The following GPR149 variants were observed in gnomAD, a reference collection of about 807,000 sequenced individuals.
The protein encoded by GPR149 is probable G protein-coupled receptor 149.
In GPR149, 50 loss-of-function variants were observed where a neutral mutation model predicts 50.2. The ratio of observed to expected loss-of-function variants is 1.00; its 90% CI spans 0.79 to 1.26. The LOEUF (loss-of-function observed/expected upper bound fraction) is 1.26. Ranked by LOEUF, GPR149 falls within the 50% of genes most tolerant of loss-of-function variation. The pLI is 0.00. For synonymous variants in GPR149, 405 were observed against 358.2 expected (o/e 1.13, Z -1.48); for missense variants, 983 against 895.4 (o/e 1.10, Z -1.25).
chr3:154,375,979 T>C (rs1403639594), intron 3 of GPR149, among the ~76,000 whole-genome samples: 1 of 152,206 alleles, frequency 6.6e-6, no homozygotes, highest in Non-Finnish European at 1.5e-5. Flanking sequence ...CACCATCAGC[T>C]CCCCTGGTTC....
Position 154,428,926 on chromosome 3 carries a change from C to T in GPR149, c.690G>A (p.Gln230=), listed in dbSNP as rs746258504. The T allele has an allele frequency of 1.2e-6, 2 of 1,613,986 alleles. No homozygotes were observed. The highest frequency in any genetic ancestry group is 1.7e-5 in the Admixed American group (1 of 60,002). The change falls in exon 1 of 4, where the codon CAG becomes CAA. Residue 230 remains glutamine, a synonymous_variant. Transcript: ENST00000389740. ...GAATTGAAGCTCCACGGGAAATTTC[C>T]TGGTAGTTGGAGTGGAGTCTCGGCG... is the stretch of plus-strand genomic sequence containing the variant. The part of the protein sequence containing the change: ...EEPPRLHSNY[Q]EISRGASIPG...
chr3:154,399,477 G>A (rs1715370504), intron 3 of GPR149, among the ~76,000 whole-genome samples: 1 of 152,144 alleles, frequency 6.6e-6, no homozygotes, highest in Non-Finnish European at 1.5e-5. Flanking sequence ...ATCACTTGGT[G>A]TAGTAAATAT....
intron 3 of GPR149, among the ~76,000 whole-genome samples, chr3:154,341,755 G>T (rs980964216): frequency 6.6e-6 from 1 of 151,984 alleles, no homozygotes; most frequent in Non-Finnish European, 1.5e-5. Context: ...GTAAATGCTT[G>T]CAGATAACCA....
intron 3 of GPR149, among the ~76,000 whole-genome samples, chr3:154,408,909 G>A (rs530916332): frequency 3.9e-5 from 6 of 152,346 alleles, no homozygotes; most frequent in Admixed American, 1.3e-4. Flanking sequence ...CTTCCTGGCC[G>A]AAGGCCAATC....
chr3:154,335,420 A>C lies in GPR149; in HGVS notation c.*2279T>G, dbSNP rs1559966551. On this transcript the variant is annotated 3_prime_UTR_variant, in exon 4 of 4. Coordinates refer to ENST00000389740, the MANE Select transcript of GPR149 (RefSeq NM_001038705.3). The stretch of plus-strand genomic sequence containing the variant: ...TCATGCTTAGGCACAGCTCTAGTAG[A>C]TTTTTCTTGTATATTCAGCTATTGT... 6.6e-6 allele frequency: 1 copy of C among 152,018 alleles called. No individual in the cohort carries two copies. The highest frequency in any genetic ancestry group is 6.6e-5 in the Admixed American group (1 of 15,250). 9.4% of individuals were successfully genotyped at this position (152,018 alleles called of 1,614,324 possible).
chr3:154,388,930 G>A (rs1307307503), intron 3 of GPR149, among the ~76,000 whole-genome samples: 1 of 148,600 alleles, frequency 6.7e-6, no homozygotes, highest in East Asian at 2.0e-4. Flanking sequence ...TTGCATAAAA[G>A]CACTTCCTCA....
chr3:154,423,036 G>GTTGCACA (rs1445525381), intron 2 of GPR149, among the ~76,000 whole-genome samples: 3 of 151,832 alleles, frequency 2.0e-5, no homozygotes, highest in Non-Finnish European at 4.4e-5. Context: ...AATTTTATTA[G>GTTGCACA]TTGCACATTG....
intron 3 of GPR149, among the ~76,000 whole-genome samples, chr3:154,392,829 T>A (rs1280954171): frequency 6.6e-6 from 1 of 151,926 alleles, no homozygotes; most frequent in African/African-American, 2.4e-5. Flanking sequence ...TTGGATTACC[T>A]GGAAGAGATA....
In GPR149 at chr3:154,429,433, C is replaced by T. The variant is rs1372831784; in HGVS notation, c.183G>A (p.Met61Ile). 2 of 1,614,158 alleles carry T rather than the reference C, an allele frequency of 1.2e-6. No individual in the cohort carries two copies. Among genetic ancestry groups the T allele is most frequent in the South Asian group, 2.2e-5 (2 of 91,082 alleles). Residue 61 changes from methionine to isoleucine, a missense_variant, in exon 1 of 4, where the codon ATG becomes ATA. Transcript: ENST00000389740. ...GCATGGACACAACAGTTCTGTTCTG[C>T]ATTTTCAGCAGGGAAATTAGTGAAT... ...SIYSLISLLK[M>I]QNRTVVSMLV...
intron 3 of GPR149, among the ~76,000 whole-genome samples, chr3:154,411,107 G>T (rs902084044): frequency 1.8e-4 from 28 of 152,066 alleles, no homozygotes; most frequent in Admixed American, 1.7e-3. Flanking sequence ...GGTCAAAAAT[G>T]AAATCAAGAC....
At chr3:154,344,123 CAA>C (rs1315508618) in intron 3 of GPR149, among the ~76,000 whole-genome samples, 1 of 152,162 alleles carries the variant, frequency 6.6e-6, no homozygotes, top group Non-Finnish European at 1.5e-5. Context: ...ATAGCACTCT[CAA>C]AGAGTCCACT....
At chr3:154,420,585 T>C (rs1712113015) in intron 3 of GPR149, among the ~76,000 whole-genome samples, 1 of 151,978 alleles carries the variant, frequency 6.6e-6, no homozygotes, top group Admixed American at 6.6e-5. Context: ...CTGCCTAATA[T>C]ACTTTCAACA....
chr3:154,369,986 A>T lies in GPR149; in HGVS notation c.1624-31715T>A, dbSNP rs184977395. On this transcript the variant is annotated intron_variant, in intron 3 of 3. Coordinates refer to ENST00000389740, the MANE Select transcript of GPR149 (RefSeq NM_001038705.3). ...GACCCTTATTGGGATACTGACTCAG[A>T]TCATGGAGATTGGAGCCGCAGGCAT... Among the ~76,000 whole-genome samples the T allele has an allele frequency of 2.3e-4, 35 of 152,308 alleles. No homozygotes were observed. In the East Asian group the frequency reaches 3.7e-3, roughly 16 times the overall value.
At chr3:154,378,776 C>G (rs1214700800) in intron 3 of GPR149, among the ~76,000 whole-genome samples, 1 of 152,064 alleles carries the variant, frequency 6.6e-6, no homozygotes, top group Non-Finnish European at 1.5e-5. Context: ...GTAGTGGTAT[C>G]TCATTGTGGT....
At chr3:154,397,411 T>C (rs887724975) in intron 3 of GPR149, among the ~76,000 whole-genome samples, 11 of 152,184 alleles carry the variant, frequency 7.2e-5, no homozygotes, top group African/African-American at 2.4e-4. Context: ...AGGAGTGTGC[T>C]AGAGTTGGCT....
In GPR149 at chr3:154,398,278, T is replaced by A. The variant is rs184685313; in HGVS notation, c.1623+22761A>T. ...TACACACTGCTAAGTACTACACAAA[T>A]AACAATTAAGGTAATGATTAGGGAA... On this transcript the variant is annotated intron_variant, in intron 3 of 3. Coordinates refer to ENST00000389740, the MANE Select transcript of GPR149 (RefSeq NM_001038705.3). 1.7e-3 allele frequency among the ~76,000 whole-genome samples: 266 copies of A among 152,280 alleles called. 1 individual carries two copies. The highest frequency in any genetic ancestry group is 6.8e-3 in the Middle Eastern group (2 of 292).
chr3:154,398,113 G>A (rs1715336879), intron 3 of GPR149, among the ~76,000 whole-genome samples: 1 of 152,076 alleles, frequency 6.6e-6, no homozygotes, highest in Non-Finnish European at 1.5e-5. Context: ...TCCCCACAAT[G>A]CCAGTTGCAG....
intron 3 of GPR149, among the ~76,000 whole-genome samples, chr3:154,383,273 C>T (rs1288910183): frequency 6.6e-6 from 1 of 152,152 alleles, no homozygotes; most frequent in Non-Finnish European, 1.5e-5. Flanking sequence ...GGGGGCGAGA[C>T]ATTCCACTGA....
intron 3 of GPR149, among the ~76,000 whole-genome samples, chr3:154,344,202 C>T (rs112322964): frequency 1.7e-4 from 26 of 152,264 alleles, no homozygotes; most frequent in African/African-American, 6.0e-4. Flanking sequence ...TTGAGTCCAA[C>T]AAGCTGTCAA....
Sources: allele counts gnomAD v4.1 joint callset (sites outside exome capture counted in the v4.1 genomes callset), GRCh38; gene constraint gnomAD v4.1.1; transcripts MANE v1.5; gene names NCBI Gene and HGNC (gene_info 2026-07-23, HGNC 2026-07-21).